The following ZFHX3 variants were observed in gnomAD, a reference collection of about 807,000 sequenced individuals.
ZFHX3 encodes zinc finger homeobox 3, also known as zinc finger homeobox protein 3.
ZFHX3 carries 42 observed loss-of-function variants against 279.1 expected under a neutral mutation model. The ratio of observed to expected loss-of-function variants is 0.15; its 90% CI spans 0.12 to 0.19. The LOEUF (loss-of-function observed/expected upper bound fraction) is 0.19. Ranked by LOEUF, ZFHX3 falls within the 10% of genes least tolerant of loss-of-function variation. ZFHX3 has a pLI of 1.00. For missense variants in ZFHX3, 4,981 were observed against 4,754.0 expected (o/e 1.05, Z -1.40); for synonymous variants, 2,293 against 1,957.8 (o/e 1.17, Z -4.52).
chr16:73,725,045 G>A (rs186211522), intron 1 of ZFHX3, among the ~76,000 whole-genome samples: 1 of 152,268 alleles, frequency 6.6e-6, no homozygotes, highest in Admixed American at 6.5e-5. Flanking sequence ...TGATTTCATT[G>A]TTTCCTATAA....
chr16:73,204,161 A>G (rs2011709132), intron 5 of ZFHX3, among the ~76,000 whole-genome samples: 1 of 152,048 alleles, frequency 6.6e-6, no homozygotes, highest in Admixed American at 6.6e-5. Context: ...GACTGGTTTC[A>G]TGAAAGACAG....
At chr16:72,865,017 T>G (rs1203894477) in intron 4 of ZFHX3, among the ~76,000 whole-genome samples, 1 of 152,208 alleles carries the variant, frequency 6.6e-6, no homozygotes, top group Admixed American at 6.5e-5. Context: ...CCTCTACCAA[T>G]GAGGCTATTT....
chr16:73,543,906 G>GAGAGAC (rs2020064120), intron 2 of ZFHX3: 1 of 141,810 alleles, frequency 7.1e-6, no homozygotes, highest in African/African-American at 3.1e-5. Context: ...GAGAGAGAGA[G>GAGAGAC]AGAGACAGAG....
chr16:73,794,202 C>T (rs1054809516), intron 1 of ZFHX3: 1 of 152,208 alleles, frequency 6.6e-6, no homozygotes, highest in East Asian at 1.9e-4. Flanking sequence ...TTGGAAGGAG[C>T]TCCCTCGGTC....
intron 5 of ZFHX3, among the ~76,000 whole-genome samples, chr16:73,256,395 G>A (rs949841804): frequency 1.3e-5 from 2 of 152,186 alleles, no homozygotes; most frequent in South Asian, 2.1e-4. Context: ...ACGTTTTATA[G>A]AATTGAATGT....
chr16:73,163,183 A>G (rs1049117412), intron 5 of ZFHX3, among the ~76,000 whole-genome samples: 16 of 152,240 alleles, frequency 1.1e-4, no homozygotes, highest in Admixed American at 1.0e-3. Context: ...CAATAAATAT[A>G]CAATTGTCCC....
chr16:73,326,962 C>A (rs1433556815), intron 3 of ZFHX3, among the ~76,000 whole-genome samples: 1 of 152,176 alleles, frequency 6.6e-6, no homozygotes, highest in African/African-American at 2.4e-5. Flanking sequence ...ATTTGTGGTT[C>A]TAAAGAATAG....
At chr16:72,919,164 T>C (rs1418234579) in intron 3 of ZFHX3, among the ~76,000 whole-genome samples, 1 of 151,848 alleles carries the variant, frequency 6.6e-6, no homozygotes, top group African/African-American at 2.4e-5. Context: ...TCTGTACTTT[T>C]TTTTTTTTTA....
intron 6 of ZFHX3, chr16:73,137,681 C>G (rs1362111412): frequency 2.0e-5 from 3 of 151,892 alleles, no homozygotes; most frequent in Admixed American, 1.3e-4. Flanking sequence ...GGTCCTAAAA[C>G]AGTAATAGAT....
At chr16:73,752,863 C>T (rs558829619) in intron 1 of ZFHX3, among the ~76,000 whole-genome samples, 1 of 152,336 alleles carries the variant, frequency 6.6e-6, no homozygotes, top group East Asian at 1.9e-4. Flanking sequence ...TCCTCACATC[C>T]TCCTGCAGTG....
At chr16:73,352,255 T>C (rs950112469) in intron 3 of ZFHX3, among the ~76,000 whole-genome samples, 2 of 152,180 alleles carry the variant, frequency 1.3e-5, no homozygotes, top group African/African-American at 4.8e-5. Context: ...CCTAAAGCAG[T>C]ACTCAGCAAC....
At chr16:73,770,868 C>T (rs1181267983) in intron 1 of ZFHX3, among the ~76,000 whole-genome samples, 1 of 152,194 alleles carries the variant, frequency 6.6e-6, no homozygotes, top group Non-Finnish European at 1.5e-5. Flanking sequence ...GAGGTCATTT[C>T]TATAGAGCAC....
rs142803229 is a variant in ZFHX3, at chr16:72,952,021, C to A, written c.2720-1056G>T. Among the ~76,000 whole-genome samples, 22 of 152,308 alleles carry A rather than the reference C, an allele frequency of 1.4e-4. No individual in the cohort carries two copies. In the East Asian group the frequency reaches 4.1e-3, roughly 28 times the overall value. On this transcript the variant is annotated intron_variant, in intron 2 of 9. Transcript: ENST00000268489. ...ATCCAAGCACTTTAGGAGGCCAAGG[C>A]AGGCAGATCACCTGAGCTTAGGAGC...
intron 3 of ZFHX3, among the ~76,000 whole-genome samples, chr16:72,890,171 T>C (rs1295833959): frequency 6.6e-6 from 1 of 152,124 alleles, no homozygotes; most frequent in Non-Finnish European, 1.5e-5. Flanking sequence ...TCCCCACGTG[T>C]TGGGGATAGG....
At chr16:72,996,986 G>C (rs1473260860) in intron 1 of ZFHX3, among the ~76,000 whole-genome samples, 1 of 152,178 alleles carries the variant, frequency 6.6e-6, no homozygotes, top group Non-Finnish European at 1.5e-5. Flanking sequence ...GTGTGGCCAA[G>C]AAAGCTACCC....
At chr16:73,590,203 T>C (rs1401808941) in intron 2 of ZFHX3, among the ~76,000 whole-genome samples, 5 of 152,100 alleles carry the variant, frequency 3.3e-5, no homozygotes. Context: ...ACTCATGATA[T>C]AAAGAAAACA....
intron 2 of ZFHX3, among the ~76,000 whole-genome samples, chr16:73,546,744 T>C (rs2020120167): frequency 1.4e-5 from 2 of 148,134 alleles, no homozygotes; most frequent in South Asian, 4.2e-4. Flanking sequence ...CTGTTGCTTC[T>C]TTTTCGGCTT....
intron 4 of ZFHX3, among the ~76,000 whole-genome samples, chr16:73,312,228 C>A (rs2015344537): frequency 1.3e-5 from 2 of 152,106 alleles, no homozygotes; most frequent in African/African-American, 4.8e-5. Flanking sequence ...AGTCTGACGA[C>A]AAGAACACTT....
chr16:72,875,072 G>C (rs2143986252), intron 4 of ZFHX3, among the ~76,000 whole-genome samples: 1 of 152,334 alleles, frequency 6.6e-6, no homozygotes, highest in South Asian at 2.1e-4. Context: ...AGCTCACAGA[G>C]AATGATATGG....
Sources: allele counts gnomAD v4.1 joint callset (sites outside exome capture counted in the v4.1 genomes callset), GRCh38; gene constraint gnomAD v4.1.1; transcripts MANE v1.5; gene names NCBI Gene and HGNC (gene_info 2026-07-23, HGNC 2026-07-21).